Variants in PHACTR4 observed in about 807,000 individuals in gnomAD.
The protein encoded by PHACTR4 is phosphatase and actin regulator 4.
In PHACTR4, 51 loss-of-function variants were observed where a neutral mutation model predicts 72.7. The ratio of observed to expected loss-of-function variants is 0.70; its 90% confidence interval spans 0.56 to 0.89. The LOEUF (loss-of-function observed/expected upper bound fraction) is 0.89. PHACTR4 is among the 40% of genes least tolerant of loss of function. The pLI is 0.00. For synonymous variants in PHACTR4, 255 were observed against 302.5 expected, an observed-to-expected ratio of 0.84 and a Z score of 1.63; for missense variants, 731 against 861.8, an observed-to-expected ratio of 0.85 and a Z score of 1.90.
chr1:28,454,701 C>G (rs1284646358), intron 2 of PHACTR4, among the ~76,000 whole-genome samples: 2 of 152,092 alleles, frequency 1.3e-5, no homozygotes, highest in African/African-American at 4.8e-5. Context: ...GAACACCATA[C>G]CCAACAATTG....
intron 8 of PHACTR4, among the ~76,000 whole-genome samples, chr1:28,478,003 C>T (rs1276536606): frequency 6.6e-6 from 1 of 151,984 alleles, no homozygotes; most frequent in Non-Finnish European, 1.5e-5. Context: ...CTTATTTCTT[C>T]TATCTAATTC....
chr1:28,406,739 G>T (rs1654353647), intron 1 of PHACTR4, among the ~76,000 whole-genome samples: 1 of 152,116 alleles, frequency 6.6e-6, no homozygotes, highest in Non-Finnish European at 1.5e-5. Flanking sequence ...AGCTGGGTAG[G>T]GCAGATTTGA....
chr1:28,498,850 A>AGGTG lies in PHACTR4; in HGVS notation c.*2303_*2304insTGGG. 1 of 148,730 alleles carries AGGTG rather than the reference A, an allele frequency of 6.7e-6. No homozygotes were observed. The highest frequency in any genetic ancestry group is 3.4e-3 in the Middle Eastern group (1 of 294). The allele number at this position is 148,730 out of a possible 1,614,324, so 9.2% of individuals were successfully genotyped here. On this transcript the variant is annotated 3_prime_UTR_variant, in exon 14 of 14. Transcript: ENST00000373839. ...ATAATCTCAGCACTTTGGGAAGCCA[A>AGGTG]GGCGGTCAGGAGTTTGAGACCAGCC... is the stretch of plus-strand genomic sequence containing the variant.
chr1:28,463,015 A>G (rs914827094), intron 4 of PHACTR4, among the ~76,000 whole-genome samples: 1 of 152,158 alleles, frequency 6.6e-6, no homozygotes, highest in African/African-American at 2.4e-5. Context: ...CCTGAGCAAC[A>G]TAGTGAGACC....
intron 9 of PHACTR4, chr1:28,481,405 G>A (rs1451742641): frequency 6.6e-6 from 1 of 152,168 alleles, no homozygotes; most frequent in Non-Finnish European, 1.5e-5. Flanking sequence ...ACTTGACAAG[G>A]ATGGAAGAGG....
chr1:28,370,586 C>T (rs1465708183), intron 1 of PHACTR4, among the ~76,000 whole-genome samples: 5 of 140,352 alleles, frequency 3.6e-5, no homozygotes, highest in African/African-American at 1.1e-4. Flanking sequence ...AGGAGAGTGA[C>T]TTACAGGGCA....
intron 4 of PHACTR4, among the ~76,000 whole-genome samples, chr1:28,461,351 G>C (rs1164158104): frequency 6.6e-6 from 1 of 152,128 alleles, no homozygotes; most frequent in Non-Finnish European, 1.5e-5. Context: ...TGAGGCAGGA[G>C]AATCACTTGA....
At chr1:28,470,497 C>T (rs985637181) in intron 6 of PHACTR4, among the ~76,000 whole-genome samples, 3 of 151,282 alleles carry the variant, frequency 2.0e-5, no homozygotes, top group Non-Finnish European at 4.4e-5. Context: ...TGAGACCAGC[C>T]TAGGCAACAT....
chr1:28,427,761 G>A (rs1049351068), intron 2 of PHACTR4, among the ~76,000 whole-genome samples: 9 of 152,118 alleles, frequency 5.9e-5, no homozygotes, highest in Admixed American at 3.9e-4. Context: ...AAGAGGGCAG[G>A]GATTATTTTC....
intron 1 of PHACTR4, among the ~76,000 whole-genome samples, chr1:28,403,580 A>G (rs1654097708): frequency 6.6e-6 from 1 of 152,204 alleles, no homozygotes; most frequent in Non-Finnish European, 1.5e-5. Context: ...TTTTTGAGAT[A>G]TAATTCATTA....
At chr1:28,464,899 T>A (rs1659038716) in intron 4 of PHACTR4, among the ~76,000 whole-genome samples, 2 of 152,066 alleles carry the variant, frequency 1.3e-5, no homozygotes, top group Admixed American at 1.3e-4. Context: ...AGACAAGGTT[T>A]TACCATGTTA....
At chr1:28,438,269 G>T in intron 2 of PHACTR4, 1 of 1,460,410 alleles carries the variant, frequency 6.8e-7, no homozygotes, top group Non-Finnish European at 9.1e-7. Flanking sequence ...CTGATGTTTG[G>T]CAGTGACACT....
rs937452178 is a variant in PHACTR4, at chr1:28,455,321, C to CA, written c.17-3764_17-3763insA. 2.6e-5 allele frequency among the ~76,000 whole-genome samples: 4 copies of CA among 151,252 alleles called. 1 individual carries two copies. The highest frequency in any genetic ancestry group is 9.7e-5 in the African/African-American group (4 of 41,072). ...TCAAGATTCTCCTGCCTCAGCCTCCCGAGTAGCTGGGATTATAGGCGTGTA... is the reference window on the plus strand; with the variant it reads ...TCAAGATTCTCCTGCCTCAGCCTCCCAGAGTAGCTGGGATTATAGGCGTGTA... On this transcript the variant is annotated intron_variant, in intron 2 of 13. Coordinates refer to ENST00000373839, the MANE Select transcript of PHACTR4 (RefSeq NM_001048183.3).
intron 2 of PHACTR4, among the ~76,000 whole-genome samples, chr1:28,440,589 G>GA (rs1557815366): frequency 1.3e-5 from 2 of 151,554 alleles, no homozygotes; most frequent in African/African-American, 4.8e-5. Context: ...GGAAGAAATA[G>GA]AAATCAGGAG....
chr1:28,370,789 G>A (rs1342378195), intron 1 of PHACTR4, among the ~76,000 whole-genome samples: 1 of 151,826 alleles, frequency 6.6e-6, no homozygotes, highest in Admixed American at 6.6e-5. Context: ...TTACTTTTTC[G>A]CCAAATTAAA....
intron 8 of PHACTR4, among the ~76,000 whole-genome samples, chr1:28,479,238 T>C (rs1159267719): frequency 1.3e-5 from 2 of 151,330 alleles, no homozygotes; most frequent in African/African-American, 4.9e-5. Flanking sequence ...CTGGCCAATG[T>C]GGTGAAACCC....
chr1:28,443,298 C>T (rs1462366724), intron 2 of PHACTR4, among the ~76,000 whole-genome samples: 1 of 151,318 alleles, frequency 6.6e-6, no homozygotes, highest in African/African-American at 2.4e-5. Context: ...TTCTTTCTTT[C>T]GTTCTTTCGT....
intron 2 of PHACTR4, among the ~76,000 whole-genome samples, chr1:28,426,357 G>A (rs191079820): frequency 6.6e-6 from 1 of 151,552 alleles, no homozygotes; most frequent in African/African-American, 2.4e-5. Flanking sequence ...AACACATGCT[G>A]ATGAAACGTG....
At chr1:28,380,983 C>A (rs912447977) in intron 1 of PHACTR4, among the ~76,000 whole-genome samples, 2 of 151,632 alleles carry the variant, frequency 1.3e-5, no homozygotes, top group African/African-American at 4.9e-5. Flanking sequence ...TTTTTCTCCA[C>A]AATCTCGCCA....
Sources: gnomAD v4.1 joint callset for allele counts (sites outside exome capture counted in the v4.1 genomes callset) on GRCh38, gnomAD v4.1.1 for gene constraint, MANE v1.5 for transcripts, NCBI Gene and HGNC (gene_info 2026-07-23, HGNC 2026-07-21) for gene names.